Variants in RBFOX1 observed in about 807,000 individuals in gnomAD.
The protein encoded by RBFOX1 is RNA binding protein fox-1 homolog 1.
A neutral mutation model predicts 57.7 loss-of-function variants in RBFOX1; 8 were observed. That is an observed-to-expected ratio of 0.14 (90% CI 0.08 to 0.25). The LOEUF (loss-of-function observed/expected upper bound fraction) is 0.25. Among genes scored for constraint, RBFOX1 ranks in the 10% least tolerant of loss-of-function variants. RBFOX1 has a pLI of 1.00. For missense variants in RBFOX1, 611 were observed against 548.5 expected, an observed-to-expected ratio of 1.11 and a Z score of -1.14; for synonymous variants, 326 against 222.4, an observed-to-expected ratio of 1.47 and a Z score of -4.15.
At chr16:6,947,893 C>G (rs1229992372) in intron 3 of RBFOX1, among the ~76,000 whole-genome samples, 1 of 152,148 alleles carries the variant, frequency 6.6e-6, no homozygotes, top group South Asian at 2.1e-4. Context: ...TCTCCTGCCT[C>G]AGCCCCCCAA....
chr16:6,637,655 C>A (rs1034122083), intron 2 of RBFOX1, among the ~76,000 whole-genome samples: 5 of 149,398 alleles, frequency 3.3e-5, no homozygotes, highest in Non-Finnish European at 7.4e-5. Flanking sequence ...CCCCAGATAA[C>A]TGGTGGTGAA....
chr16:5,635,479 T>A (rs1205325976), intron 3 of RBFOX1, among the ~76,000 whole-genome samples: 1 of 152,200 alleles, frequency 6.6e-6, no homozygotes, highest in Admixed American at 6.5e-5. Flanking sequence ...CTGGAGGGGC[T>A]TCATTGATTA....
chr16:5,426,989 G>T (rs2067580204), intron 1 of RBFOX1, among the ~76,000 whole-genome samples: 1 of 152,188 alleles, frequency 6.6e-6, no homozygotes, highest in African/African-American at 2.4e-5. Flanking sequence ...TCGGCTTCCA[G>T]CTGAGTGTAG....
intron 4 of RBFOX1, among the ~76,000 whole-genome samples, chr16:5,919,850 T>C (rs1261088667): frequency 1.3e-5 from 2 of 152,232 alleles, no homozygotes; most frequent in African/African-American, 4.8e-5. Context: ...TTCCTATACA[T>C]GGAGTCCTAT....
At chr16:6,107,190 C>T (rs770912936) in intron 1 of RBFOX1, among the ~76,000 whole-genome samples, 29 of 152,066 alleles carry the variant, frequency 1.9e-4, no homozygotes, top group Non-Finnish European at 2.4e-4. Flanking sequence ...TTGGTTTCTT[C>T]TGGGTCCCCA....
chr16:6,709,798 C>G (rs929709840), intron 3 of RBFOX1, among the ~76,000 whole-genome samples: 6 of 152,072 alleles, frequency 3.9e-5, no homozygotes, highest in Non-Finnish European at 8.8e-5. Flanking sequence ...CGGCAAGTAT[C>G]TTGGAGGCAG....
chr16:5,248,443 G>T (rs1344880937), intron 1 of RBFOX1, among the ~76,000 whole-genome samples: 2 of 152,200 alleles, frequency 1.3e-5, no homozygotes, highest in African/African-American at 2.4e-5. Flanking sequence ...TATTCTGGGG[G>T]CAGCCTTTCC....
At chr16:7,702,686 C>T (rs1236555207) in intron 14 of RBFOX1, among the ~76,000 whole-genome samples, 1 of 152,128 alleles carries the variant, frequency 6.6e-6, no homozygotes, top group African/African-American at 2.4e-5. Flanking sequence ...CTTTCCAGCC[C>T]CTGAGAATTG....
intron 14 of RBFOX1, 82 bp from the exon 15 acceptor site, chr16:7,708,974 T>C: frequency 7.5e-7 from 1 of 1,335,312 alleles, no homozygotes; most frequent in Non-Finnish European, 1.1e-6. Flanking sequence ...CTGCATACTG[T>C]CTTGGTATTT....
chr16:7,218,505 G>T lies in RBFOX1; in HGVS notation c.27+166407G>T, dbSNP rs368431182. On this transcript the variant is annotated intron_variant, in intron 4 of 15. Transcript: ENST00000550418. ...AGTTGAGAGAGAAAATAGCAAAACA[G>T]TAACTAGGTGTCACTCTTTTACCAG... is the stretch of plus-strand genomic sequence containing the variant. Among the ~76,000 whole-genome samples, 3 of 152,208 alleles carry T rather than the reference G, an allele frequency of 2.0e-5. No homozygotes were observed. In the East Asian group the frequency reaches 5.8e-4, roughly 30 times the overall value.
At chr16:6,962,695 C>T (rs1445066033) in intron 3 of RBFOX1, among the ~76,000 whole-genome samples, 3 of 152,052 alleles carry the variant, frequency 2.0e-5, no homozygotes, top group Non-Finnish European at 2.9e-5. Context: ...TGAAAGTCAG[C>T]CTCTACAAAT....
chr16:7,543,305 C>T (rs768094118), intron 5 of RBFOX1, among the ~76,000 whole-genome samples: 2 of 152,132 alleles, frequency 1.3e-5, no homozygotes, highest in Non-Finnish European at 2.9e-5. Context: ...AGAGTCTCAC[C>T]ACTCACATAG....
At chr16:6,680,579 A>C (rs570374131) in intron 3 of RBFOX1, among the ~76,000 whole-genome samples, 1 of 152,142 alleles carries the variant, frequency 6.6e-6, no homozygotes, top group South Asian at 2.1e-4. Flanking sequence ...GCTTTTTCTT[A>C]GACCTCCTAG....
intron 4 of RBFOX1, among the ~76,000 whole-genome samples, chr16:7,166,106 G>C (rs763183717): frequency 6.6e-6 from 1 of 151,976 alleles, no homozygotes; most frequent in Non-Finnish European, 1.5e-5. Flanking sequence ...TTCTGCCTCC[G>C]GGATTCAAGT....
At chr16:5,248,653 C>G (rs540193491) in intron 1 of RBFOX1, among the ~76,000 whole-genome samples, 1 of 151,912 alleles carries the variant, frequency 6.6e-6, no homozygotes, top group Non-Finnish European at 1.5e-5. Flanking sequence ...CAGGGTGTGC[C>G]CAGGAAAAGC....
At chr16:7,250,825 T>G (rs2094474660) in intron 4 of RBFOX1, among the ~76,000 whole-genome samples, 1 of 152,232 alleles carries the variant, frequency 6.6e-6, no homozygotes, top group Admixed American at 6.5e-5. Flanking sequence ...CTACTCTGTT[T>G]CCTTCTTTTA....
intron 3 of RBFOX1, among the ~76,000 whole-genome samples, chr16:5,817,019 C>G (rs1239589633): frequency 6.6e-6 from 1 of 152,124 alleles, no homozygotes; most frequent in African/African-American, 2.4e-5. Flanking sequence ...AAATAAACAT[C>G]CTGACTAGGA....
At chr16:5,417,526 A>C (rs1206791117) in intron 1 of RBFOX1, among the ~76,000 whole-genome samples, 2 of 152,144 alleles carry the variant, frequency 1.3e-5, no homozygotes, top group Non-Finnish European at 2.9e-5. Flanking sequence ...GCTTCTGGAC[A>C]AAGATGATCA....
chr16:6,942,245 A>G (rs934307762), intron 3 of RBFOX1, among the ~76,000 whole-genome samples: 11 of 152,134 alleles, frequency 7.2e-5, no homozygotes, highest in Admixed American at 5.2e-4. Context: ...CCACCACTGC[A>G]CTTCAGCCTG....
Sources: allele counts gnomAD v4.1 joint callset (sites outside exome capture counted in the v4.1 genomes callset), GRCh38; gene constraint gnomAD v4.1.1; transcripts MANE v1.5; gene names NCBI Gene and HGNC (gene_info 2026-07-23, HGNC 2026-07-21).